The following TAS1R1 variants were observed in gnomAD, a reference collection of about 807,000 sequenced individuals.
TAS1R1 encodes the protein taste 1 receptor member 1.
In TAS1R1, 31 loss-of-function variants were observed where a neutral mutation model predicts 45.8. The ratio of observed to expected loss-of-function variants is 0.68; its 90% CI spans 0.51 to 0.91. The LOEUF (loss-of-function observed/expected upper bound fraction) is 0.91. TAS1R1 is among the 40% of genes least tolerant of loss of function. The probability of loss-of-function intolerance (pLI) is 0.00; values close to 1 mark genes in which losing one functional copy is unlikely to be tolerated. For missense variants in TAS1R1, 1,051 were observed against 1,063.9 expected, an observed-to-expected ratio of 0.99 and a Z score of 0.17; for synonymous variants, 437 against 448.4, an observed-to-expected ratio of 0.97 and a Z score of 0.32.
chr1:6,569,797 C>T (rs528924444), intron 1 of TAS1R1, among the ~76,000 whole-genome samples: 17 of 152,166 alleles, frequency 1.1e-4, no homozygotes, highest in South Asian at 2.1e-4. Flanking sequence ...CTGGGTCTTT[C>T]GGGAATTCAG....
chr1:6,563,703 A>G (rs1639826876), intron 1 of TAS1R1, among the ~76,000 whole-genome samples: 1 of 152,058 alleles, frequency 6.6e-6, no homozygotes, highest in Non-Finnish European at 1.5e-5. Flanking sequence ...GCTGGGTACT[A>G]TTGGAAAGGG....
Position 6,571,226 on chromosome 1 carries a change from G to A in TAS1R1, c.498+11G>A, listed in dbSNP as rs1249260405. On this transcript the variant is annotated intron_variant, in intron 2 of 5. Coordinates refer to ENST00000333172, the MANE Select transcript of TAS1R1 (RefSeq NM_138697.4). ...TTCCTGGTGCCCATGGTAAGCTGGA[G>A]CCTCAGACCTTTGCCCATCTCCCTT... 3.2e-6 allele frequency: 5 copies of A among 1,544,792 alleles called. No individual in the cohort carries two copies. The highest frequency in any genetic ancestry group is 4.4e-6 in the Non-Finnish European group (5 of 1,146,410).
intron 5 of TAS1R1, 40 bp downstream of exon 5, chr1:6,577,110 C>A: frequency 6.2e-7 from 1 of 1,613,026 alleles, no homozygotes; most frequent in Non-Finnish European, 8.5e-7. Flanking sequence ...CCAGCACTCC[C>A]GGGGGCTGCA....
chr1:6,578,290 A>G (rs1385671517), intron 5 of TAS1R1, among the ~76,000 whole-genome samples: 1 of 152,194 alleles, frequency 6.6e-6, no homozygotes, highest in Non-Finnish European at 1.5e-5. Context: ...TGGTTCATGG[A>G]AATGCTGGCA....
chr1:6,576,331 C>T, intron 3 of TAS1R1, 84 bp from the exon 4 acceptor site: 2 of 1,372,358 alleles, frequency 1.5e-6, no homozygotes. Flanking sequence ...AGGACGGAAA[C>T]CCAGGAAGGC....
At chr1:6,564,430 G>A (rs911481532) in intron 1 of TAS1R1, among the ~76,000 whole-genome samples, 4 of 152,134 alleles carry the variant, frequency 2.6e-5, no homozygotes, top group African/African-American at 4.8e-5. Flanking sequence ...AGGAAAGGGC[G>A]TCCATACGTT....
chr1:6,558,069 C>G (rs1639718209), intron 1 of TAS1R1, among the ~76,000 whole-genome samples: 1 of 144,650 alleles, frequency 6.9e-6, no homozygotes, highest in African/African-American at 2.7e-5. Context: ...TTTTCTGAGA[C>G]AGGGTCTTCC....
At chr1:6,577,103 G>A in intron 5 of TAS1R1, 33 bp downstream of exon 5, 1 of 1,613,732 alleles carries the variant, frequency 6.2e-7, no homozygotes, top group African/African-American at 1.3e-5. Flanking sequence ...GAGCTACCCA[G>A]CACTCCCGGG....
intron 1 of TAS1R1, among the ~76,000 whole-genome samples, chr1:6,569,022 G>A (rs1639940746): frequency 6.6e-6 from 1 of 152,146 alleles, no homozygotes. Context: ...GAGCGGAAGT[G>A]AGGAGGCTGG....
At chr1:6,570,503 C>T (rs1639982418) in intron 1 of TAS1R1, among the ~76,000 whole-genome samples, 1 of 151,360 alleles carries the variant, frequency 6.6e-6, no homozygotes, top group South Asian at 2.1e-4. Flanking sequence ...GGGAATTCTG[C>T]CTCCAGACCG....
Position 6,556,786 on chromosome 1 carries a change from G to A in TAS1R1, c.191+1222G>A, listed in dbSNP as rs190042571. ...AGCACTTTGGGAGGCTGAGACAGGC[G>A]GATCACGAGGTCAGGAGTTCAAGAT... is the stretch of plus-strand genomic sequence containing the variant. On this transcript the variant is annotated intron_variant, in intron 1 of 5. Transcript: ENST00000333172. 2.0e-3 allele frequency among the ~76,000 whole-genome samples: 301 copies of A among 151,894 alleles called. 1 individual carries two copies. Among genetic ancestry groups the A allele is most frequent in the African/African-American group, 6.7e-3 (280 of 41,490 alleles).
At chr1:6,564,578 C>T (rs1367117441) in intron 1 of TAS1R1, among the ~76,000 whole-genome samples, 1 of 152,030 alleles carries the variant, frequency 6.6e-6, no homozygotes, top group Non-Finnish European at 1.5e-5. Context: ...TGCCATTTGC[C>T]CTTTCAACTT....
At chr1:6,570,814 G>T (rs1557806013) in intron 1 of TAS1R1, 95 bp from the exon 2 acceptor site, 2 of 1,190,792 alleles carry the variant, frequency 1.7e-6, no homozygotes, top group Non-Finnish European at 2.4e-6. Context: ...GACCTCAAAG[G>T]TTCCCTTTGC....
chr1:6,571,243 A>C (rs781720509), intron 2 of TAS1R1, 28 bp downstream of exon 2: 1 of 1,531,544 alleles, frequency 6.5e-7, no homozygotes, highest in Admixed American at 2.1e-5. Context: ...ACCTTTGCCC[A>C]TCTCCCTTCA....
chr1:6,560,682 G>A (rs527335262), intron 1 of TAS1R1, among the ~76,000 whole-genome samples: 1 of 152,286 alleles, frequency 6.6e-6, no homozygotes, highest in Non-Finnish European at 1.5e-5. Context: ...ACTGCTTCTA[G>A]CTAAAGAGGG....
At chr1:6,562,459 C>T (rs772865972) in intron 1 of TAS1R1, among the ~76,000 whole-genome samples, 7 of 152,314 alleles carry the variant, frequency 4.6e-5, no homozygotes, top group Non-Finnish European at 7.4e-5. Context: ...TGAGCCACCG[C>T]GCCTGCCCAG....
In TAS1R1 at chr1:6,577,063, C is replaced by T. The variant is rs1405172670; in HGVS notation, c.1587C>T (p.Asn529=). The change falls in exon 5 of 6, where the codon AAC becomes AAT. Residue 529 remains asparagine, a synonymous_variant. Coordinates refer to ENST00000333172, the MANE Select transcript of TAS1R1 (RefSeq NM_138697.4). ...CCTGTGGGGCTGGGACCTTCCTCAA[C>T]AAGAGTGGTGAGTGGGCAATGGAGC... ...CVPCGAGTFL[N]KSDLYRCQPC... The T allele has an allele frequency of 3.7e-6, 6 of 1,614,082 alleles. No individual in the cohort carries two copies. The African/African-American group carries it at 5.3e-5, about 14-fold the overall frequency.
chr1:6,563,626 C>G (rs1017375558), intron 1 of TAS1R1, among the ~76,000 whole-genome samples: 25 of 152,006 alleles, frequency 1.6e-4, no homozygotes, highest in African/African-American at 5.8e-4. Context: ...AGCCAGCAGT[C>G]TTCTGCTAGG....
At chr1:6,573,788 G>A (rs563734517) in intron 2 of TAS1R1, among the ~76,000 whole-genome samples, 25 of 151,708 alleles carry the variant, frequency 1.6e-4, no homozygotes, top group African/African-American at 5.3e-4. Context: ...TCAGCCTCCC[G>A]TGTAGCTGGG....
Sources: allele counts gnomAD v4.1 joint callset (sites outside exome capture counted in the v4.1 genomes callset), GRCh38; gene constraint gnomAD v4.1.1; transcripts MANE v1.5; gene names NCBI Gene and HGNC (gene_info 2026-07-23, HGNC 2026-07-21).